HDAC4: variants seen among roughly 807,000 people sequenced by gnomAD.
HDAC4 encodes the protein histone deacetylase 4, also known as histone deacetylase A.
HDAC4 carries 16 observed loss-of-function variants against 135.1 expected under a neutral mutation model. The observed-to-expected ratio is 0.12, with a 90% CI of 0.08 to 0.18. The LOEUF (loss-of-function observed/expected upper bound fraction) is 0.18. Among genes scored for constraint, HDAC4 ranks in the 10% least tolerant of loss-of-function variants. HDAC4 has a pLI of 1.00. For synonymous variants in HDAC4, 685 were observed against 653.4 expected (o/e 1.05, Z -0.74); for missense variants, 1,143 against 1,511.8 (o/e 0.76, Z 4.05).
chr2:239,183,512 G>T (rs2044288644), intron 4 of HDAC4, among the ~76,000 whole-genome samples: 1 of 152,200 alleles, frequency 6.6e-6, no homozygotes, highest in Non-Finnish European at 1.5e-5. Context: ...CGGCATCCAT[G>T]GCTCTCCAGG....
At chr2:239,316,534 C>G (rs548721033) in intron 2 of HDAC4, among the ~76,000 whole-genome samples, 1 of 152,136 alleles carries the variant, frequency 6.6e-6, no homozygotes, top group African/African-American at 2.4e-5. Flanking sequence ...CTTGAGCCCA[C>G]GAGGTGGAGG....
chr2:239,158,457 A>G (rs1216312598), intron 6 of HDAC4, among the ~76,000 whole-genome samples: 1 of 152,160 alleles, frequency 6.6e-6, no homozygotes, highest in Non-Finnish European at 1.5e-5. Context: ...AGGAGTTGCA[A>G]AAGTTACATT....
intron 3 of HDAC4, among the ~76,000 whole-genome samples, chr2:239,216,431 C>T (rs1358590328): frequency 6.6e-6 from 1 of 152,174 alleles, no homozygotes; most frequent in African/African-American, 2.4e-5. Context: ...AGGAGGGCGC[C>T]CTACCAGCCC....
chr2:239,147,112 C>T (rs543946385), intron 7 of HDAC4, among the ~76,000 whole-genome samples: 8 of 152,296 alleles, frequency 5.3e-5, no homozygotes, highest in African/African-American at 1.4e-4. Flanking sequence ...GTTTTGGATG[C>T]GGGGCTCGGG....
At chr2:239,267,099 T>C (rs139606204) in intron 2 of HDAC4, among the ~76,000 whole-genome samples, 1 of 151,422 alleles carries the variant, frequency 6.6e-6, no homozygotes, top group African/African-American at 2.4e-5. Flanking sequence ...GCATGGGGGG[T>C]GCCGCTTGAC....
intron 16 of HDAC4, among the ~76,000 whole-genome samples, chr2:239,099,632 C>G (rs575988187): frequency 6.6e-6 from 1 of 152,236 alleles, no homozygotes; most frequent in Admixed American, 6.5e-5. Flanking sequence ...AAGCCGCCTG[C>G]CCTCTCTGCC....
intron 2 of HDAC4, among the ~76,000 whole-genome samples, chr2:239,280,010 C>T (rs13406466): frequency 0.031 from 4,777 of 152,188 alleles, 258 homozygotes; most frequent in African/African-American, 0.11. Flanking sequence ...TCCACTCCTG[C>T]GGAAGAGGAC....
intron 1 of HDAC4, among the ~76,000 whole-genome samples, chr2:239,394,732 G>T (rs1338356208): frequency 6.6e-6 from 1 of 152,248 alleles, no homozygotes; most frequent in African/African-American, 2.4e-5. Context: ...CAGAGGTGGG[G>T]CCTCACCCCA....
At chr2:239,316,391 G>C (rs2125733866) in intron 2 of HDAC4, among the ~76,000 whole-genome samples, 1 of 152,296 alleles carries the variant, frequency 6.6e-6, no homozygotes, top group South Asian at 2.1e-4. Flanking sequence ...CTTGAGCCCA[G>C]GAGTTTGAGA....
chr2:239,178,991 C>T (rs749616075), intron 4 of HDAC4, among the ~76,000 whole-genome samples: 31 of 146,148 alleles, frequency 2.1e-4, no homozygotes, highest in Admixed American at 1.0e-3. Flanking sequence ...AGCCACCAGA[C>T]GCCCGAGGCA....
At position 239,048,560 on chromosome 2, in the gene HDAC4, T is replaced by TATAGATAGATAGATAGATAGATAG. The variant is rs3841081; in HGVS notation, c.*4513_*4536dup. The stretch of plus-strand genomic sequence containing the variant: ...GGGTGAGTAAGGTTCAAGCCCCCTG[T>TATAGATAGATAGATAGATAGATAG]ATAGATAGATAGATAGATAGATAGA... On this transcript the variant is annotated 3_prime_UTR_variant, in exon 27 of 27. Transcript: ENST00000543185. 375 of 150,064 alleles carry TATAGATAGATAGATAGATAGATAG rather than the reference T, an allele frequency of 2.5e-3. 2 individuals carry two copies. The highest frequency in any genetic ancestry group is 6.5e-3 in the East Asian group (33 of 5,050). 9.3% of individuals were successfully genotyped at this position (150,064 alleles called of 1,614,324 possible).
intron 2 of HDAC4, among the ~76,000 whole-genome samples, chr2:239,341,120 G>T (rs899295380): frequency 2.0e-4 from 31 of 152,188 alleles, no homozygotes; most frequent in Non-Finnish European, 5.9e-5. Context: ...GTTTCCCCTA[G>T]GGCCTCCTCA....
intron 1 of HDAC4, among the ~76,000 whole-genome samples, chr2:239,375,511 G>A (rs1366137946): frequency 1.3e-5 from 2 of 152,148 alleles, no homozygotes; most frequent in African/African-American, 4.8e-5. Flanking sequence ...AGCCCCACCA[G>A]GGCAACACCA....
At chr2:239,323,513 A>G (rs2053379267) in intron 2 of HDAC4, among the ~76,000 whole-genome samples, 1 of 152,204 alleles carries the variant, frequency 6.6e-6, no homozygotes, top group Non-Finnish European at 1.5e-5. Flanking sequence ...ACAAAATCAA[A>G]GCAATAAATG....
intron 15 of HDAC4, among the ~76,000 whole-genome samples, chr2:239,104,512 G>T (rs900222050): frequency 2.0e-5 from 3 of 152,220 alleles, no homozygotes; most frequent in African/African-American, 7.2e-5. Context: ...TTACAGGAGT[G>T]AGCCACCGCA....
At chr2:239,302,458 G>C (rs1383895665) in intron 2 of HDAC4, among the ~76,000 whole-genome samples, 1 of 152,242 alleles carries the variant, frequency 6.6e-6, no homozygotes, top group Non-Finnish European at 1.5e-5. Context: ...AAAACCCCTT[G>C]CTCTCTTCAT....
chr2:239,134,761 G>A lies in HDAC4; in HGVS notation c.979-118C>T, dbSNP rs945032721. 1.6e-4 allele frequency: 128 copies of A among 783,230 alleles called. No homozygotes were observed. The Admixed American group carries it at 2.3e-3, about 14-fold the overall frequency. The allele number at this position is 783,230 out of a possible 1,614,324, so 48.5% of individuals were successfully genotyped here. A position where few individuals can be genotyped will look rare whatever the true frequency, so the allele number is the denominator to read the frequency against. On this transcript the variant is annotated intron_variant, in intron 9 of 26. Transcript: ENST00000543185. ...TGAATTCTGATATATGAGCGTAAAC[G>A]TACATGTAACAAATGAGACAGCAAT... is the stretch of plus-strand genomic sequence containing the variant.
At chr2:239,124,005 G>A (rs752188415) in intron 12 of HDAC4, among the ~76,000 whole-genome samples, 9 of 151,944 alleles carry the variant, frequency 5.9e-5, no homozygotes, top group Non-Finnish European at 1.3e-4. Context: ...GAAGCAACGG[G>A]GGTGGGGTGG....
intron 5 of HDAC4, among the ~76,000 whole-genome samples, chr2:239,173,097 G>C (rs1187969568): frequency 6.6e-6 from 1 of 152,086 alleles, no homozygotes; most frequent in Non-Finnish European, 1.5e-5. Context: ...TAATATCCAT[G>C]TTAAATAAAC....
Sources: allele counts gnomAD v4.1 joint callset (sites outside exome capture counted in the v4.1 genomes callset), GRCh38; gene constraint gnomAD v4.1.1; transcripts MANE v1.5; gene names NCBI Gene and HGNC (gene_info 2026-07-23, HGNC 2026-07-21).